Variants in PCDHGC5 observed in about 807,000 individuals in gnomAD.
PCDHGC5 encodes protocadherin gamma-C5.
Under a neutral mutation model 59.0 loss-of-function variants are expected in PCDHGC5, and 25 were observed. The ratio of observed to expected loss-of-function variants is 0.42; its 90% confidence interval spans 0.31 to 0.59. PCDHGC5 has a LOEUF of 0.59. PCDHGC5 is among the 20% of genes least tolerant of loss of function. The pLI is 0.13. For missense variants in PCDHGC5, 1,067 were observed against 1,206.4 expected (o/e 0.88, Z 1.71); for synonymous variants, 434 against 505.5 (o/e 0.86, Z 1.90).
intron 2 of PCDHGC5, among the ~76,000 whole-genome samples, chr5:141,495,703 GGAGT>G (rs2099763108): frequency 6.6e-6 from 1 of 152,098 alleles, no homozygotes; most frequent in South Asian, 2.1e-4. Context: ...CAATAAATGT[GGAGT>G]GAGTAACTAC....
At chr5:141,497,719 T>C (rs1311566820) in intron 2 of PCDHGC5, among the ~76,000 whole-genome samples, 2 of 152,076 alleles carry the variant, frequency 1.3e-5, no homozygotes, top group Non-Finnish European at 2.9e-5. Context: ...TTTGTATTTT[T>C]AGTAGAGATG....
Position 141,489,564 on chromosome 5 carries a change from G to A in PCDHGC5, c.324G>A (p.Val108=), listed in dbSNP as rs375200685. The A allele has an allele frequency of 1.9e-6, 3 of 1,613,980 alleles. No homozygotes were observed. Among genetic ancestry groups the A allele is most frequent in the Non-Finnish European group, 1.7e-6 (2 of 1,180,020 alleles). The change falls in exon 1 of 4, where the codon GTG becomes GTA. Residue 108 remains valine, a synonymous_variant. Transcript: ENST00000252087. This position sits in a 1 kb window ranked among gnomAD's most constrained non-coding sequence, Gnocchi z 4.5. Reference sequence around the variant, plus strand: ...CCAGCTGCCTGCTGCCAGTGCAGGTGGTGACTGAACACCCCCTGGAGCTAA... The same window carrying A: ...CCAGCTGCCTGCTGCCAGTGCAGGTAGTGACTGAACACCCCCTGGAGCTAA... ...ASTSCLLPVQ[V]VTEHPLELIR...
rs1417754081 is a variant in PCDHGC5, at chr5:141,512,046, T to C, written c.*873T>C. 1 of 152,746 alleles carries C rather than the reference T, an allele frequency of 6.5e-6. No individual in the cohort carries two copies. Among genetic ancestry groups the C allele is most frequent in the East Asian group, 1.9e-4 (1 of 5,190 alleles). 9.5% of individuals were successfully genotyped at this position (152,746 alleles called of 1,614,324 possible). Reference sequence around the variant, plus strand: ...GCCTTGGAGGAGGCTCTGTATGTCCTCAGGGGACTGACAACATCCTCCAGA... The same window carrying C: ...GCCTTGGAGGAGGCTCTGTATGTCCCCAGGGGACTGACAACATCCTCCAGA... On this transcript the variant is annotated 3_prime_UTR_variant, in exon 4 of 4. Transcript: ENST00000252087.
At chr5:141,504,206 A>G (rs1209911822) in intron 2 of PCDHGC5, among the ~76,000 whole-genome samples, 1 of 152,218 alleles carries the variant, frequency 6.6e-6, no homozygotes, top group African/African-American at 2.4e-5. Flanking sequence ...CTGTGGGAAA[A>G]TTCCAAGTAG....
intron 3 of PCDHGC5, among the ~76,000 whole-genome samples, chr5:141,507,582 T>G (rs1221383898): frequency 6.6e-6 from 1 of 152,264 alleles, no homozygotes; most frequent in Non-Finnish European, 1.5e-5. Flanking sequence ...AGATGCCAAG[T>G]TGGCCTCTTG....
At chr5:141,500,728 T>C (rs556463739) in intron 2 of PCDHGC5, among the ~76,000 whole-genome samples, 1 of 152,310 alleles carries the variant, frequency 6.6e-6, no homozygotes, top group South Asian at 2.1e-4. Context: ...CCCATGTCTT[T>C]CAAAATTCTT....
rs781651287 is a variant in PCDHGC5, at chr5:141,505,380, A to G, written c.2520-13A>G. ...CCTGGGAGTCTGTGCTCACCATCCT[A>G]CTCTCTCCCCAGCTCCCAAAATGGC... On this transcript the variant is annotated splice_polypyrimidine_tract_variant and intron_variant, in intron 2 of 3. Transcript: ENST00000252087. The G allele has an allele frequency of 4.3e-6, 7 of 1,613,362 alleles. No homozygotes were observed. The African/African-American group carries it at 5.4e-5, about 12-fold the overall frequency.
intron 1 of PCDHGC5, among the ~76,000 whole-genome samples, chr5:141,494,100 G>T (rs559145191): frequency 6.6e-6 from 1 of 152,152 alleles, no homozygotes; most frequent in Non-Finnish European, 1.5e-5. Flanking sequence ...ATTTTTCTCC[G>T]TCTCAGACAG....
At chr5:141,504,991 G>A (rs896449285) in intron 2 of PCDHGC5, among the ~76,000 whole-genome samples, 44 of 152,034 alleles carry the variant, frequency 2.9e-4, no homozygotes, top group Admixed American at 2.6e-3. Context: ...GTGAAACCCC[G>A]TCTGTACTAA....
chr5:141,502,402 A>T (rs1317862793), intron 2 of PCDHGC5, among the ~76,000 whole-genome samples: 1 of 151,976 alleles, frequency 6.6e-6, no homozygotes, highest in Admixed American at 6.6e-5. Flanking sequence ...AATGTCCCCG[A>T]ACCTGGATTT....
At chr5:141,503,804 G>A (rs2099831736) in intron 2 of PCDHGC5, among the ~76,000 whole-genome samples, 1 of 152,034 alleles carries the variant, frequency 6.6e-6, no homozygotes, top group South Asian at 2.1e-4. Flanking sequence ...TAGGGACGGG[G>A]AATCCCAGAT....
chr5:141,492,125 C>T (rs1284932830), intron 1 of PCDHGC5, among the ~76,000 whole-genome samples: 1 of 152,222 alleles, frequency 6.6e-6, no homozygotes, highest in Non-Finnish European at 1.5e-5. Context: ...TTCTCCCCAG[C>T]TCCCAGCATC....
At position 141,511,456 on chromosome 5, in the gene PCDHGC5, C is replaced by A. The variant is rs900802210; in HGVS notation, c.*283C>A. ...TACTGTAGACACCAAGAACCATTTG[C>A]CACACCCCGTTTAGTTACAGCTGAA... On this transcript the variant is annotated 3_prime_UTR_variant, in exon 4 of 4. Transcript: ENST00000252087. 3.4e-6 allele frequency: 2 copies of A among 585,210 alleles called. No homozygotes were observed. The highest frequency in any genetic ancestry group is 5.7e-6 in the Non-Finnish European group (2 of 351,786). 36.3% of individuals were successfully genotyped at this position (585,210 alleles called of 1,614,324 possible).
intron 2 of PCDHGC5, among the ~76,000 whole-genome samples, chr5:141,502,048 ACTTTATTCC>A (rs1055762924): frequency 6.6e-5 from 10 of 151,746 alleles, no homozygotes; most frequent in African/African-American, 2.4e-4. Context: ...TGCTCTCCCT[ACTTTATTCC>A]CATTAGCCCC....
rs1446432461 is a variant in PCDHGC5, at chr5:141,511,005, C to G, written c.2667C>G (p.Ala889=). 6.2e-7 allele frequency: 1 copy of G among 1,614,176 alleles called. No individual in the cohort carries two copies. Among genetic ancestry groups the G allele is most frequent in the Middle Eastern group, 1.6e-4 (1 of 6,062 alleles). ...GGGAGTMGLS[A]RYGPQFTLQH... is the part of the protein sequence containing the mutation. ...GTGCCGGCACCATGGGATTGAGCGC[C>G]CGCTACGGACCCCAGTTCACCCTGC... Residue 889 remains alanine, a synonymous_variant, in exon 4 of 4, where the codon GCC becomes GCG. Coordinates refer to ENST00000252087, the MANE Select transcript of PCDHGC5 (RefSeq NM_018929.3).
chr5:141,496,876 A>G (rs964149656), intron 2 of PCDHGC5, among the ~76,000 whole-genome samples: 1 of 149,154 alleles, frequency 6.7e-6, no homozygotes, highest in African/African-American at 2.5e-5. Flanking sequence ...AAAATTTGCA[A>G]CAAGTAACAC....
At chr5:141,504,429 G>T (rs947508365) in intron 2 of PCDHGC5, among the ~76,000 whole-genome samples, 1 of 152,124 alleles carries the variant, frequency 6.6e-6, no homozygotes, top group Non-Finnish European at 1.5e-5. Context: ...CACTACAACA[G>T]CTGCAGTGTG....
chr5:141,489,359 AG>A lies in PCDHGC5; in HGVS notation c.120del (p.Glu40AspfsTer15). On this transcript the variant is annotated frameshift_variant, in exon 1 of 4. Coordinates refer to ENST00000252087, the MANE Select transcript of PCDHGC5 (RefSeq NM_018929.3). LOFTEE classifies it high-confidence loss of function. The surrounding 1 kb of genome is among the most constrained non-coding windows in gnomAD (Gnocchi z 4.5). ...CGTTACTCAGTGGTGGAGGAGTCTG[AG>A]CCGGGGACGCTGGTGGGGAATGTTG... ...QLRYSVVEES[E>X]PGTLVGNVAQ... is the part of the protein sequence containing the mutation. 1 of 1,613,110 alleles carries A rather than the reference AG, an allele frequency of 6.2e-7. No homozygotes were observed. The highest frequency in any genetic ancestry group is 1.1e-5 in the South Asian group (1 of 90,984).
intron 2 of PCDHGC5, among the ~76,000 whole-genome samples, chr5:141,495,250 A>G (rs557893500): frequency 6.6e-6 from 1 of 152,188 alleles, no homozygotes; most frequent in Non-Finnish European, 1.5e-5. Context: ...CCTGGGGCTC[A>G]GGCAGAAAAG....
Sources: gnomAD v4.1 joint callset for allele counts (sites outside exome capture counted in the v4.1 genomes callset) on GRCh38, gnomAD v4.1.1 for gene constraint, Gnocchi (gnomAD v3.1) non-coding constraint, MANE v1.5 for transcripts, NCBI Gene and HGNC (gene_info 2026-07-23, HGNC 2026-07-21) for gene names.